PUDP: variants seen among roughly 807,000 people sequenced by gnomAD.
PUDP encodes pseudouridine 5'-phosphatase.
A neutral mutation model predicts 9.4 loss-of-function variants in PUDP; 8 were observed. The ratio of observed to expected loss-of-function variants is 0.85; its 90% confidence interval spans 0.50 to 1.53. The LOEUF (loss-of-function observed/expected upper bound fraction) is 1.53. Among genes scored for constraint, PUDP ranks in the 40% most tolerant of loss-of-function variants. The pLI is 0.00. For synonymous variants in PUDP, 99 were observed against 80.7 expected (o/e 1.23, Z -1.22); for missense variants, 188 against 189.7 (o/e 0.99, Z 0.05).
downstream of PUDP, among the ~76,000 whole-genome samples, chrX:7,046,303 G>C (rs763477600): frequency 2.2e-4 from 25 of 111,744 alleles, no homozygotes; most frequent in Non-Finnish European, 4.1e-4. Context: ...TGAGGACACA[G>C]ACACATACAC....
At chrX:6,875,932 TATTATTACATAGTTC>T (rs1357044321) in intron 3 of PUDP, among the ~76,000 whole-genome samples, 3 of 112,414 alleles carry the variant, frequency 2.7e-5, no homozygotes, top group African/African-American at 9.7e-5. Flanking sequence ...AATGGTATTT[TATTATTACATAGTTC>T]ATTATTTTTT....
At chrX:6,829,003 A>T (rs1234918986) in intron 3 of PUDP, among the ~76,000 whole-genome samples, 2 of 110,317 alleles carry the variant, frequency 1.8e-5, no homozygotes, top group Non-Finnish European at 1.9e-5. Flanking sequence ...CCCCCAAGGG[A>T]TGATGTTAGG....
At chrX:6,894,271 A>G (rs113769718) in intron 3 of PUDP, among the ~76,000 whole-genome samples, 2,194 of 111,468 alleles carry the variant, frequency 0.02, 40 homozygotes, top group African/African-American at 0.066. Flanking sequence ...AGTTGAAGGA[A>G]AAAAAAATTT....
chrX:7,143,446 T>C (rs1236924469), intron 1 of PUDP, among the ~76,000 whole-genome samples: 1 of 112,202 alleles, frequency 8.9e-6, no homozygotes, highest in African/African-American at 3.2e-5. Context: ...CCTGCATGCC[T>C]AGAATCTGCT....
chrX:7,101,412 A>G (rs1177951863), intron 2 of PUDP, among the ~76,000 whole-genome samples: 2 of 111,600 alleles, frequency 1.8e-5, no homozygotes, highest in African/African-American at 6.5e-5. Flanking sequence ...TTCACCTTCT[A>G]TGAGTTTCTA....
At chrX:7,047,453 G>A (rs1929997720), downstream of PUDP, among the ~76,000 whole-genome samples, 1 of 112,042 alleles carries the variant, frequency 8.9e-6, no homozygotes, top group African/African-American at 3.2e-5. Flanking sequence ...TATTGCTTAT[G>A]TGTACAAAAT....
intron 2 of PUDP, among the ~76,000 whole-genome samples, chrX:7,103,421 G>C (rs1268986483): frequency 8.9e-6 from 1 of 112,327 alleles, no homozygotes; most frequent in Non-Finnish European, 1.9e-5. Context: ...ATGGATTAAA[G>C]TCCTGAATGT....
At chrX:6,953,435 A>G (rs1436854483) in intron 3 of PUDP, among the ~76,000 whole-genome samples, 1 of 110,705 alleles carries the variant, frequency 9.0e-6, no homozygotes, top group African/African-American at 3.3e-5. Flanking sequence ...TTTTATATAC[A>G]TTTCCTACTT....
intron 3 of PUDP, among the ~76,000 whole-genome samples, chrX:6,771,843 A>G (rs1925369250): frequency 8.9e-6 from 1 of 112,389 alleles, no homozygotes; most frequent in African/African-American, 3.2e-5. Flanking sequence ...AGCCACAGAC[A>G]ATCTGTAAAT....
At chrX:6,999,109 A>G (rs773200704) in intron 1 of PUDP, among the ~76,000 whole-genome samples, 2 of 111,333 alleles carry the variant, frequency 1.8e-5, no homozygotes, top group African/African-American at 3.3e-5. Flanking sequence ...CAATCGCCAT[A>G]GTACCTGATC....
chrX:7,082,347 G>A (rs1330713923), intron 2 of PUDP, among the ~76,000 whole-genome samples: 9 of 112,524 alleles, frequency 8.0e-5, no homozygotes, highest in African/African-American at 2.9e-4. Context: ...GGCAGCTGCC[G>A]CGCGGTCTCA....
At chrX:6,771,210 C>T (rs1480444544) in intron 3 of PUDP, among the ~76,000 whole-genome samples, 1 of 111,800 alleles carries the variant, frequency 8.9e-6, no homozygotes, top group Admixed American at 9.5e-5. Context: ...AGAAACGTGC[C>T]ACCTAGAAGT....
chrX:7,043,963 C>T (rs1015883448), downstream of PUDP, among the ~76,000 whole-genome samples: 12 of 112,392 alleles, frequency 1.1e-4, no homozygotes, highest in African/African-American at 3.9e-4. Context: ...GGAACCTGCA[C>T]TGTGGCTGAA....
intron 1 of PUDP, among the ~76,000 whole-genome samples, chrX:7,106,496 G>A (rs773855941): frequency 1.8e-5 from 2 of 112,345 alleles, no homozygotes; most frequent in African/African-American, 3.2e-5. Context: ...GCTAATAATA[G>A]TACCAGTACC....
At chrX:7,125,033 T>TA (rs1225963360) in intron 1 of PUDP, among the ~76,000 whole-genome samples, 28 of 100,916 alleles carry the variant, frequency 2.8e-4, no homozygotes, top group Admixed American at 1.7e-3. Flanking sequence ...AAAAAAAACA[T>TA]AAAAAAAACA....
chrX:7,141,454 T>C (rs1298710115), intron 1 of PUDP, among the ~76,000 whole-genome samples: 4 of 113,003 alleles, frequency 3.5e-5, no homozygotes, highest in African/African-American at 1.3e-4. Flanking sequence ...TTCACTTCTA[T>C]GGGGACTGAG....
intron 2 of PUDP, among the ~76,000 whole-genome samples, chrX:7,078,869 A>G (rs760222055): frequency 9.0e-6 from 1 of 111,706 alleles, no homozygotes; most frequent in South Asian, 3.8e-4. Context: ...TGTAGAATTC[A>G]TAGTGTCTAA....
At chrX:6,843,813 G>A (rs1926705695) in intron 3 of PUDP, among the ~76,000 whole-genome samples, 1 of 112,669 alleles carries the variant, frequency 8.9e-6, no homozygotes. Context: ...TCCTCTGAGT[G>A]AAACTTGAAT....
Position 6,789,862 on chromosome X carries a change from C to CAATT in PUDP, c.*248-83397_*248-83396insAATT, listed in dbSNP as rs1555910316. ...ATAGATAGATTATAGAGAAAAAAGA[C>CAATT]GATTGATAGATGATAGATATATATC... On this transcript the variant is annotated intron_variant and NMD_transcript_variant, in intron 3 of 3. Coordinates refer to the PUDP transcript ENST00000655425. Among the ~76,000 whole-genome samples the CAATT allele has an allele frequency of 9.4e-4, 9 of 9,529 alleles. No individual in the cohort carries two copies. In the African/African-American group the frequency reaches 0.01, roughly 11 times the overall value. The allele number at this position is 9,529 out of a possible 115,157, so 8.3% of individuals were successfully genotyped here. A position where few individuals can be genotyped will look rare whatever the true frequency, so the allele number is the denominator to read the frequency against.
Sources: allele counts gnomAD v4.1 joint callset (sites outside exome capture counted in the v4.1 genomes callset), GRCh38; gene constraint gnomAD v4.1.1; transcripts MANE v1.5; gene names NCBI Gene and HGNC (gene_info 2026-07-23, HGNC 2026-07-21).